SF3A3: variants seen among roughly 807,000 people sequenced by gnomAD.
SF3A3 encodes SAP 61.
In SF3A3, 9 loss-of-function variants were observed where a neutral mutation model predicts 85.8. That is an observed-to-expected ratio of 0.10 (90% CI 0.06 to 0.18). The LOEUF (loss-of-function observed/expected upper bound fraction) is 0.18, where lower values mean the gene tolerates loss of function less well. SF3A3 is among the 10% of genes least tolerant of loss of function. The pLI, the probability that SF3A3 is intolerant of heterozygous loss-of-function variation, is 1.00. For synonymous variants in SF3A3, 195 were observed against 204.4 expected, an observed-to-expected ratio of 0.95 and a Z score of 0.39; for missense variants, 306 against 593.3, an observed-to-expected ratio of 0.52 and a Z score of 5.03.
intron 12 of SF3A3, among the ~76,000 whole-genome samples, chr1:37,975,327 C>G (rs1646372032): frequency 6.6e-6 from 1 of 151,992 alleles, no homozygotes; most frequent in Non-Finnish European, 1.5e-5. Context: ...ACCAGCCTGG[C>G]CAACAAGACA....
chr1:37,984,621 A>G (rs1646442535), intron 5 of SF3A3, 86 bp downstream of exon 5: 5 of 914,172 alleles, frequency 5.5e-6, no homozygotes, highest in South Asian at 5.4e-5. Context: ...CTGGCTATAA[A>G]TATCTCTGAG....
chr1:37,979,723 G>A lies in SF3A3; in HGVS notation c.691-190C>T, dbSNP rs117321684. ...ATTATCTGAATTAGCTGGGCATGAT[G>A]GCATGTGCCTGTGGTCCCAGCTACT... On this transcript the variant is annotated intron_variant, in intron 8 of 16. Coordinates refer to ENST00000373019, the MANE Select transcript of SF3A3 (RefSeq NM_006802.4). 3.0e-4 allele frequency among the ~76,000 whole-genome samples: 45 copies of A among 152,256 alleles called. 1 individual carries two copies. The East Asian group carries it at 8.5e-3, about 29-fold the overall frequency.
intron 8 of SF3A3, among the ~76,000 whole-genome samples, chr1:37,980,060 G>C (rs911402100): frequency 1.3e-5 from 2 of 152,080 alleles, no homozygotes; most frequent in Non-Finnish European, 2.9e-5. Context: ...GTAATGATGT[G>C]ATTGGTGAAA....
chr1:37,962,161 C>T (rs1438474459), intron 15 of SF3A3, among the ~76,000 whole-genome samples: 1 of 151,032 alleles, frequency 6.6e-6, no homozygotes, highest in Non-Finnish European at 1.5e-5. Flanking sequence ...GTAATATGCA[C>T]ATCAGGAAGG....
At chr1:37,978,403 T>G (rs1458711980) in intron 11 of SF3A3, among the ~76,000 whole-genome samples, 1 of 152,000 alleles carries the variant, frequency 6.6e-6, no homozygotes, top group Non-Finnish European at 1.5e-5. Flanking sequence ...TAGATTCAAC[T>G]TTACCAAAAA....
Position 37,984,198 on chromosome 1 carries a change from G to C in SF3A3, c.439C>G (p.Leu147Val). 1.2e-6 allele frequency: 2 copies of C among 1,608,680 alleles called. No homozygotes were observed. Among genetic ancestry groups the C allele is most frequent in the Non-Finnish European group, 8.5e-7 (1 of 1,176,130 alleles). ...GATGCCTTCAGGTTAATGTACTTGAGGTAACAGTCATGGAGATCGAGATAA... is the reference window on the plus strand; with the variant it reads ...GATGCCTTCAGGTTAATGTACTTGACGTAACAGTCATGGAGATCGAGATAA... ...GRYLDLHDCYLKYINLKASEK... is the reference protein window; with the variant it reads ...GRYLDLHDCYVKYINLKASEK... The change falls in exon 6 of 17, where the codon CTC (leucine) becomes GTC (valine). Residue 147 changes from leucine to valine, a missense_variant. This residue lies in a region of SF3A3 where 152 missense variants were observed against 192.0 expected (regional missense o/e 0.79). Coordinates refer to ENST00000373019, the MANE Select transcript of SF3A3 (RefSeq NM_006802.4).
At chr1:37,964,103 CG>C (rs1646281674) in intron 15 of SF3A3, among the ~76,000 whole-genome samples, 1 of 151,858 alleles carries the variant, frequency 6.6e-6, no homozygotes, top group African/African-American at 2.4e-5. Context: ...CGCTTTAACC[CG>C]GGAGGTGGAG....
intron 15 of SF3A3, among the ~76,000 whole-genome samples, chr1:37,961,183 G>GAGACAGTTAAA (rs1646255166): frequency 6.6e-6 from 1 of 152,180 alleles, no homozygotes; most frequent in Non-Finnish European, 1.5e-5. Flanking sequence ...AGCCTAAGAT[G>GAGACAGTTAAA]GGTGAATGAA....
At chr1:37,962,429 C>T (rs1005176992) in intron 15 of SF3A3, among the ~76,000 whole-genome samples, 2 of 149,960 alleles carry the variant, frequency 1.3e-5, no homozygotes, top group African/African-American at 4.9e-5. Context: ...CATGGAGAAA[C>T]CCCATCTCTA....
chr1:37,982,897 C>A (rs762054200), intron 6 of SF3A3, among the ~76,000 whole-genome samples: 1 of 152,014 alleles, frequency 6.6e-6, no homozygotes, highest in Non-Finnish European at 1.5e-5. Context: ...GAGTCCAAGA[C>A]TAGCCTGGAC....
At chr1:37,965,266 G>C (rs7368086) in intron 15 of SF3A3, among the ~76,000 whole-genome samples, 131,155 of 144,914 alleles carry the variant, frequency 0.91, 59,452 homozygotes, top group East Asian at 1. Flanking sequence ...AGGAGTTTGA[G>C]ACCAGCCTGG....
intron 4 of SF3A3, among the ~76,000 whole-genome samples, chr1:37,985,083 C>T (rs1254431114): frequency 6.6e-6 from 1 of 152,234 alleles, no homozygotes; most frequent in Non-Finnish European, 1.5e-5. Context: ...GCTGGGATTA[C>T]AGGCATGAGC....
chr1:37,962,038 C>T (rs147055319), intron 15 of SF3A3, among the ~76,000 whole-genome samples: 2,449 of 149,400 alleles, frequency 0.016, 75 homozygotes, highest in African/African-American at 0.058. Context: ...GAGCCGAGAT[C>T]GCACCGCTGC....
chr1:37,959,909 C>T (rs1465875555), intron 16 of SF3A3, among the ~76,000 whole-genome samples: 1 of 141,582 alleles, frequency 7.1e-6, no homozygotes, highest in African/African-American at 2.7e-5. Context: ...AGTGAGCTGA[C>T]ATTGCACCAC....
chr1:37,964,767 A>G (rs182580846), intron 15 of SF3A3, among the ~76,000 whole-genome samples: 3 of 152,034 alleles, frequency 2.0e-5, no homozygotes, highest in Non-Finnish European at 4.4e-5. Flanking sequence ...CCTGATATGC[A>G]CTCCACTTCA....
At chr1:37,988,582 T>G (rs1013033442) in intron 2 of SF3A3, among the ~76,000 whole-genome samples, 18 of 152,150 alleles carry the variant, frequency 1.2e-4, no homozygotes, top group African/African-American at 3.9e-4. Context: ...AAATCCTTGG[T>G]TTTCAGAGTA....
intron 4 of SF3A3, among the ~76,000 whole-genome samples, chr1:37,987,108 C>A (rs916488272): frequency 6.6e-6 from 1 of 152,182 alleles, no homozygotes; most frequent in African/African-American, 2.4e-5. Context: ...GACAAAGTCT[C>A]ACTCTTGTCC....
chr1:37,974,598 G>T (rs933828042), intron 12 of SF3A3, among the ~76,000 whole-genome samples: 1 of 151,788 alleles, frequency 6.6e-6, no homozygotes, highest in African/African-American at 2.4e-5. Context: ...CACTGCGCCC[G>T]GCCCAAGATG....
At chr1:37,980,331 G>A (rs887456418) in intron 8 of SF3A3, among the ~76,000 whole-genome samples, 1 of 152,022 alleles carries the variant, frequency 6.6e-6, no homozygotes, top group African/African-American at 2.4e-5. Context: ...GGCTGAGGCA[G>A]GAGAACTGCT....
Sources: allele counts gnomAD v4.1 joint callset (sites outside exome capture counted in the v4.1 genomes callset), GRCh38; gene constraint gnomAD v4.1.1; regional missense constraint gnomAD v4.1.1; transcripts MANE v1.5; gene names NCBI Gene and HGNC (gene_info 2026-07-23, HGNC 2026-07-21).